APBA2: variants seen among roughly 807,000 people sequenced by gnomAD.
APBA2 encodes amyloid-beta A4 precursor protein-binding family A member 2.
APBA2 carries 30 observed loss-of-function variants against 75.0 expected under a neutral mutation model. The ratio of observed to expected loss-of-function variants is 0.40; its 90% CI spans 0.30 to 0.54. The LOEUF is 0.54. Among genes scored for constraint, APBA2 ranks in the 20% least tolerant of loss-of-function variants. The pLI, the probability that APBA2 is intolerant of heterozygous loss-of-function variation, is 0.49. For synonymous variants in APBA2, 444 were observed against 409.6 expected (o/e 1.08, Z -1.01); for missense variants, 801 against 1,016.1 (o/e 0.79, Z 2.88).
chr15:28,920,401 T>C (rs2033912461), intron 1 of APBA2, among the ~76,000 whole-genome samples: 1 of 152,208 alleles, frequency 6.6e-6, no homozygotes, highest in East Asian at 1.9e-4. Context: ...TTGCATGCCA[T>C]GACTTGGAGG....
intron 3 of APBA2, among the ~76,000 whole-genome samples, chr15:29,051,861 T>G (rs2041609878): frequency 6.6e-6 from 1 of 152,188 alleles, no homozygotes; most frequent in Admixed American, 6.5e-5. Context: ...CTTCACTTCC[T>G]GCTCCCATCT....
intron 6 of APBA2, among the ~76,000 whole-genome samples, chr15:29,080,245 G>A (rs539928684): frequency 7.2e-5 from 11 of 152,270 alleles, no homozygotes; most frequent in Admixed American, 1.3e-4. Context: ...ATCCCGGGCC[G>A]AAGGTCACCA....
intron 2 of APBA2, among the ~76,000 whole-genome samples, chr15:28,956,517 T>C (rs1435588471): frequency 6.6e-6 from 1 of 152,212 alleles, no homozygotes; most frequent in Non-Finnish European, 1.5e-5. Context: ...TGGAAGCTAC[T>C]ATAAACTTTT....
chr15:28,965,834 A>C (rs557174430), intron 2 of APBA2, among the ~76,000 whole-genome samples: 1 of 152,280 alleles, frequency 6.6e-6, no homozygotes, highest in East Asian at 1.9e-4. Flanking sequence ...CTGAAACCTT[A>C]CTGAACTATA....
At chr15:29,018,699 T>C (rs1182376070) in intron 3 of APBA2, among the ~76,000 whole-genome samples, 2 of 152,118 alleles carry the variant, frequency 1.3e-5, no homozygotes, top group Non-Finnish European at 2.9e-5. Flanking sequence ...AGCCAACTGT[T>C]CCTCTCCCAA....
chr15:28,930,301 C>A (rs575817356), intron 2 of APBA2, among the ~76,000 whole-genome samples: 5 of 151,992 alleles, frequency 3.3e-5, no homozygotes, highest in African/African-American at 1.2e-4. Context: ...GCTGAGCTCT[C>A]CACGATGGGA....
intron 6 of APBA2, among the ~76,000 whole-genome samples, chr15:29,090,998 G>T (rs1007538971): frequency 1.3e-5 from 2 of 152,070 alleles, no homozygotes; most frequent in African/African-American, 4.8e-5. Flanking sequence ...GGTATGGTGG[G>T]GGTACTGCAT....
intron 2 of APBA2, among the ~76,000 whole-genome samples, chr15:28,984,863 C>A (rs2037824968): frequency 6.7e-6 from 1 of 150,230 alleles, no homozygotes; most frequent in Non-Finnish European, 1.5e-5. Flanking sequence ...ATCTCTCTCT[C>A]TCTCTCTCTC....
At chr15:28,909,416 T>A (rs988565370) in intron 1 of APBA2, among the ~76,000 whole-genome samples, 1 of 152,224 alleles carries the variant, frequency 6.6e-6, no homozygotes, top group Non-Finnish European at 1.5e-5. Flanking sequence ...TCAAGGCCCA[T>A]CTGTGTTGTA....
chr15:29,033,624 A>G lies in APBA2; in HGVS notation c.-40-20221A>G, dbSNP rs563515927. On this transcript the variant is annotated intron_variant, in intron 3 of 14. Transcript: ENST00000683413. ...GAACACCATTATACTTAACAATGAC[A>G]GTTTCATTATAGCAAAAATTTACAA... Among the ~76,000 whole-genome samples the G allele has an allele frequency of 6.6e-5, 10 of 152,190 alleles. No individual in the cohort carries two copies. The South Asian group carries it at 2.1e-3, about 32-fold the overall frequency.
At chr15:28,972,317 T>C (rs2037109568) in intron 2 of APBA2, among the ~76,000 whole-genome samples, 1 of 152,124 alleles carries the variant, frequency 6.6e-6, no homozygotes, top group Admixed American at 6.5e-5. Flanking sequence ...AAGAAAACTT[T>C]CCTAAAATAA....
chr15:29,001,168 A>G lies in APBA2; in HGVS notation c.-41+5362A>G, dbSNP rs529236014. Among the ~76,000 whole-genome samples the G allele has an allele frequency of 2.6e-5, 4 of 152,200 alleles. No individual in the cohort carries two copies. The East Asian group carries it at 5.8e-4, about 22-fold the overall frequency. ...GTGCCTCATGTACAGTGGATGCTCA[A>G]GAAGTGTGTAGTCATCACATAGCTC... On this transcript the variant is annotated intron_variant, in intron 3 of 14. Coordinates refer to ENST00000683413, the MANE Select transcript of APBA2 (RefSeq NM_001353788.2).
chr15:28,926,970 C>T (rs541487314), intron 2 of APBA2, among the ~76,000 whole-genome samples: 1 of 151,764 alleles, frequency 6.6e-6, no homozygotes, highest in African/African-American at 2.4e-5. Context: ...CATTCTCCTG[C>T]CTCAGCCTCC....
In APBA2 at chr15:29,092,042, A is replaced by G. The variant is rs140915345; in HGVS notation, c.1070-1033A>G. Among the ~76,000 whole-genome samples the G allele has an allele frequency of 3.1e-3, 465 of 152,342 alleles. 2 individuals carry two copies. The highest frequency in any genetic ancestry group is 0.01 in the African/African-American group (427 of 41,582). ...GGACAGCCAAGCCACGGTCTAGGAT[A>G]GCTCAGAGGTCGGCTGACTGCAGCC... is the stretch of plus-strand genomic sequence containing the variant. On this transcript the variant is annotated intron_variant, in intron 6 of 14. Coordinates refer to ENST00000683413, the MANE Select transcript of APBA2 (RefSeq NM_001353788.2).
chr15:29,090,416 G>T (rs1228712606), intron 6 of APBA2, among the ~76,000 whole-genome samples: 1 of 152,208 alleles, frequency 6.6e-6, no homozygotes, highest in African/African-American at 2.4e-5. Context: ...GGGTCAACAT[G>T]GAAATGTGAA....
At position 29,053,848 on chromosome 15, in the gene APBA2, C is replaced by T. The variant is rs1420123245; in HGVS notation, c.-37C>T. On this transcript the variant is annotated 5_prime_UTR_variant, in exon 4 of 15. Coordinates refer to ENST00000683413, the MANE Select transcript of APBA2 (RefSeq NM_001353788.2). ...TTCCCAATGTTCCTCCCCACAGTGG[C>T]TGCCTCCGGGTGATGATGGCTGTGT... 2 of 1,581,862 alleles carry T rather than the reference C, an allele frequency of 1.3e-6. No homozygotes were observed. Among genetic ancestry groups the T allele is most frequent in the African/African-American group, 2.7e-5 (2 of 74,350 alleles).
intron 4 of APBA2, among the ~76,000 whole-genome samples, chr15:29,056,661 CTCTTTCTT>C (rs1207097074): frequency 1.7e-5 from 2 of 118,414 alleles, no homozygotes. Flanking sequence ...CTCTCTCTCT[CTCTTTCTT>C]TCTTTCTTTC....
At chr15:28,911,755 G>A (rs2033439740) in intron 1 of APBA2, among the ~76,000 whole-genome samples, 3 of 152,180 alleles carry the variant, frequency 2.0e-5, no homozygotes, top group Admixed American at 6.5e-5. Context: ...ATCTGGAAGT[G>A]TTTCTGATTC....
intron 2 of APBA2, among the ~76,000 whole-genome samples, chr15:28,967,565 A>C (rs1294615803): frequency 6.6e-6 from 1 of 151,956 alleles, no homozygotes; most frequent in African/African-American, 2.4e-5. Context: ...CAGCCTCCCA[A>C]GTAGCTGGGA....
Sources: allele counts gnomAD v4.1 joint callset (sites outside exome capture counted in the v4.1 genomes callset), GRCh38; gene constraint gnomAD v4.1.1; transcripts MANE v1.5; gene names NCBI Gene and HGNC (gene_info 2026-07-23, HGNC 2026-07-21).